The following RGS17 variants were observed in gnomAD, a reference collection of about 807,000 sequenced individuals.
The protein encoded by RGS17 is regulator of G protein signaling 17, also known as regulator of G-protein signaling 17.
In RGS17, 12 loss-of-function variants were observed where a neutral mutation model predicts 25.5. The ratio of observed to expected loss-of-function variants is 0.47; its 90% CI spans 0.30 to 0.76. The LOEUF (loss-of-function observed/expected upper bound fraction) is 0.76. RGS17 is among the 30% of genes least tolerant of loss of function. RGS17 has a pLI of 0.07. For synonymous variants in RGS17, 71 were observed against 76.9 expected (o/e 0.92, Z 0.40); for missense variants, 196 against 242.2 (o/e 0.81, Z 1.27).
rs1034916616 is a variant in RGS17 at position 153,006,678 on chromosome 6, A to G, written c.*4896T>C. 1 of 152,258 alleles carries G rather than the reference A, an allele frequency of 6.6e-6. No individual in the cohort carries two copies. Among genetic ancestry groups the G allele is most frequent in the African/African-American group, 2.4e-5 (1 of 41,456 alleles). The allele number at this position is 152,258 out of a possible 1,614,324, so 9.4% of individuals were successfully genotyped here. A position where few individuals can be genotyped will look rare whatever the true frequency, so the allele number is the denominator to read the frequency against. On this transcript the variant is annotated 3_prime_UTR_variant, in exon 5 of 5. Transcript: ENST00000206262. ...CATTTAATACAAGTATACAATAACA[A>G]TTATTGACGTGATGCACTTTGATAA...
chr6:153,055,731 TA>T (rs1403377420), intron 1 of RGS17, among the ~76,000 whole-genome samples: 3 of 152,194 alleles, frequency 2.0e-5, no homozygotes, highest in African/African-American at 7.2e-5. Flanking sequence ...GCAAATTTAT[TA>T]ATAAGGAACA....
intron 1 of RGS17, among the ~76,000 whole-genome samples, chr6:153,058,836 T>C (rs1776598875): frequency 6.6e-6 from 1 of 152,198 alleles, no homozygotes; most frequent in Non-Finnish European, 1.5e-5. Flanking sequence ...ATGACCCATT[T>C]ACCTAAAAAG....
chr6:153,098,008 G>C (rs1339071276), intron 1 of RGS17, among the ~76,000 whole-genome samples: 2 of 152,122 alleles, frequency 1.3e-5, no homozygotes, highest in Non-Finnish European at 2.9e-5. Context: ...CTCTTGGGTA[G>C]TGGTAGAAAC....
intron 2 of RGS17, among the ~76,000 whole-genome samples, chr6:153,033,148 G>T (rs1191962699): frequency 6.6e-6 from 1 of 151,750 alleles, no homozygotes; most frequent in Admixed American, 6.6e-5. Flanking sequence ...TTCTATATAC[G>T]CATCTGTTTG....
At chr6:153,095,044 G>C (rs1777190041) in intron 1 of RGS17, among the ~76,000 whole-genome samples, 1 of 152,054 alleles carries the variant, frequency 6.6e-6, no homozygotes, top group Non-Finnish European at 1.5e-5. Context: ...TATCCATTAA[G>C]AGTTTAATAT....
At position 153,011,403 on chromosome 6, in the gene RGS17, T is replaced by G; in HGVS notation, c.*171A>C. The G allele has an allele frequency of 1.7e-6, 1 of 581,522 alleles. No homozygotes were observed. The allele number at this position is 581,522 out of a possible 1,614,324, so 36.0% of individuals were successfully genotyped here. ...GTTTTGTGTGGTATTTTCTCCAAAC[T>G]TAACCATGGAAAACCTTGATAAAAA... is the stretch of plus-strand genomic sequence containing the variant. On this transcript the variant is annotated 3_prime_UTR_variant, in exon 5 of 5. Coordinates refer to ENST00000206262, the MANE Select transcript of RGS17 (RefSeq NM_012419.5).
chr6:153,084,256 C>T (rs1284428347), intron 1 of RGS17, among the ~76,000 whole-genome samples: 3 of 152,282 alleles, frequency 2.0e-5, no homozygotes, highest in Admixed American at 6.5e-5. Flanking sequence ...TTGGGTCTTA[C>T]TCCTAGATGA....
intron 1 of RGS17, among the ~76,000 whole-genome samples, chr6:153,070,673 T>TTGTGCGTG (rs1776776450): frequency 1.4e-5 from 2 of 144,982 alleles, no homozygotes; most frequent in Admixed American, 1.4e-4. Context: ...ACATGGAAGA[T>TTGTGCGTG]TGTGTGTGTG....
intron 4 of RGS17, among the ~76,000 whole-genome samples, chr6:153,020,750 C>G (rs944347466): frequency 6.6e-6 from 1 of 152,088 alleles, no homozygotes; most frequent in African/African-American, 2.4e-5. Flanking sequence ...GTCAAATGTT[C>G]ATGTTCTTTA....
At chr6:153,030,078 T>C (rs1779345208) in intron 2 of RGS17, among the ~76,000 whole-genome samples, 1 of 152,186 alleles carries the variant, frequency 6.6e-6, no homozygotes, top group Non-Finnish European at 1.5e-5. Context: ...TGGCCAAATA[T>C]ACTAAAATAA....
At chr6:153,029,912 TC>T (rs1444966031) in intron 2 of RGS17, among the ~76,000 whole-genome samples, 3 of 152,166 alleles carry the variant, frequency 2.0e-5, no homozygotes, top group African/African-American at 7.2e-5. Context: ...GAAGAGACAC[TC>T]CCCCACTGAC....
chr6:153,057,822 C>A (rs1253926966), intron 1 of RGS17, among the ~76,000 whole-genome samples: 3 of 152,088 alleles, frequency 2.0e-5, no homozygotes, highest in Admixed American at 2.0e-4. Flanking sequence ...AAAGAGTGTG[C>A]AACCTAGATC....
intron 4 of RGS17, among the ~76,000 whole-genome samples, chr6:153,018,378 AAC>A (rs1482467529): frequency 6.6e-6 from 1 of 152,186 alleles, no homozygotes; most frequent in Non-Finnish European, 1.5e-5. Context: ...AATTTCCTCA[AAC>A]ATTCATTTCA....
At chr6:153,080,231 C>T (rs1194982975) in intron 1 of RGS17, among the ~76,000 whole-genome samples, 4 of 152,178 alleles carry the variant, frequency 2.6e-5, no homozygotes, top group East Asian at 1.9e-4. Context: ...CAGCCTGCCT[C>T]GGCCTCCCAA....
intron 1 of RGS17, among the ~76,000 whole-genome samples, chr6:153,110,458 T>A (rs201551719): frequency 1.1e-4 from 8 of 70,138 alleles, no homozygotes; most frequent in African/African-American, 3.2e-4. Context: ...ACACACACAC[T>A]TCAATATAAT....
rs1346423261 is a variant in RGS17 at position 153,054,040 on chromosome 6, TA to T, written c.-25-9998del. Among the ~76,000 whole-genome samples, 41 of 63,578 alleles carry T rather than the reference TA, an allele frequency of 6.4e-4. 4 individuals are homozygous for T. Among genetic ancestry groups the T allele is most frequent in the South Asian group, 1.1e-3 (2 of 1,822 alleles). 41.7% of individuals were successfully genotyped at this position (63,578 alleles called of 152,430 possible). A position where few individuals can be genotyped will look rare whatever the true frequency, so the allele number is the denominator to read the frequency against. On this transcript the variant is annotated intron_variant, in intron 1 of 4. Coordinates refer to ENST00000206262, the MANE Select transcript of RGS17 (RefSeq NM_012419.5). Reference sequence around the variant, plus strand: ...TATGTATATAATATATATACATATATATGTATATATGTATATAATATATATA... The same window carrying T: ...TATGTATATAATATATATACATATATTGTATATATGTATATAATATATATA...
chr6:153,087,578 C>T (rs1276589117), intron 1 of RGS17, among the ~76,000 whole-genome samples: 2 of 152,158 alleles, frequency 1.3e-5, no homozygotes, highest in African/African-American at 4.8e-5. Context: ...AACATTTGCC[C>T]AGTTGGATGT....
At position 153,010,382 on chromosome 6, in the gene RGS17, C is replaced by T. The variant is rs1290045703; in HGVS notation, c.*1192G>A. On this transcript the variant is annotated 3_prime_UTR_variant, in exon 5 of 5. Coordinates refer to ENST00000206262, the MANE Select transcript of RGS17 (RefSeq NM_012419.5). ...ATATGGCAGCTGGAAGATTTGAGCA[C>T]TGTACTGCCTTTTAATGATGGATGA... is the stretch of plus-strand genomic sequence containing the variant. The T allele has an allele frequency of 2.0e-5, 3 of 151,952 alleles. No homozygotes were observed. The highest frequency in any genetic ancestry group is 2.0e-4 in the Admixed American group (3 of 15,262). 9.4% of individuals were successfully genotyped at this position (151,952 alleles called of 1,614,324 possible).
intron 1 of RGS17, among the ~76,000 whole-genome samples, chr6:153,073,256 T>C (rs949358259): frequency 6.6e-6 from 1 of 152,164 alleles, no homozygotes; most frequent in African/African-American, 2.4e-5. Context: ...TGCTCCATTG[T>C]CTCTTTCAAT....
Sources: allele counts gnomAD v4.1 joint callset (sites outside exome capture counted in the v4.1 genomes callset), GRCh38; gene constraint gnomAD v4.1.1; transcripts MANE v1.5; gene names NCBI Gene and HGNC (gene_info 2026-07-23, HGNC 2026-07-21).